Variants in CDK14 observed in about 807,000 individuals in gnomAD.
The protein encoded by CDK14 is cyclin-dependent kinase 14.
A neutral mutation model predicts 60.7 loss-of-function variants in CDK14; 34 were observed. The ratio of observed to expected loss-of-function variants is 0.56; its 90% CI spans 0.43 to 0.75. CDK14 has a LOEUF of 0.75. Ranked by LOEUF, CDK14 falls within the 30% of genes least tolerant of loss-of-function variation. The pLI, the probability that CDK14 is intolerant of heterozygous loss-of-function variation, is 0.00. For synonymous variants in CDK14, 197 were observed against 203.7 expected (o/e 0.97, Z 0.28); for missense variants, 482 against 564.1 (o/e 0.85, Z 1.47).
intron 2 of CDK14, among the ~76,000 whole-genome samples, chr7:90,671,139 G>T (rs1362538523): frequency 6.6e-6 from 1 of 152,078 alleles, no homozygotes; most frequent in Non-Finnish European, 1.5e-5. Context: ...CACCCAGATG[G>T]TGCTCTCTGT....
intron 2 of CDK14, among the ~76,000 whole-genome samples, chr7:90,647,539 G>A (rs1309179997): frequency 2.0e-5 from 3 of 149,650 alleles, no homozygotes; most frequent in Non-Finnish European, 4.4e-5. Context: ...TAACTCAAAA[G>A]CAGTTTTGAG....
chr7:91,019,768 A>T (rs1004350698), intron 10 of CDK14, among the ~76,000 whole-genome samples: 3 of 152,202 alleles, frequency 2.0e-5, no homozygotes, highest in Non-Finnish European at 4.4e-5. Flanking sequence ...AGGATTAATT[A>T]TACCTTTCTT....
chr7:91,017,229 T>A (rs1796324450), intron 10 of CDK14, among the ~76,000 whole-genome samples: 1 of 152,246 alleles, frequency 6.6e-6, no homozygotes, highest in East Asian at 1.9e-4. Flanking sequence ...CTTTAAGATA[T>A]ATAAAGGAAA....
intron 10 of CDK14, among the ~76,000 whole-genome samples, chr7:91,010,598 C>T (rs1796123064): frequency 6.6e-6 from 1 of 151,754 alleles, no homozygotes; most frequent in Admixed American, 6.6e-5. Context: ...ATATTATATC[C>T]TGCAACTTTG....
At chr7:90,654,591 A>G (rs1265912528) in intron 2 of CDK14, among the ~76,000 whole-genome samples, 1 of 152,160 alleles carries the variant, frequency 6.6e-6, no homozygotes, top group Non-Finnish European at 1.5e-5. Flanking sequence ...AGAATTCCTG[A>G]TGGATGTTCC....
intron 11 of CDK14, among the ~76,000 whole-genome samples, chr7:91,057,502 T>A (rs1348010514): frequency 2.0e-5 from 3 of 152,120 alleles, no homozygotes; most frequent in African/African-American, 7.2e-5. Flanking sequence ...CTGAATGGTA[T>A]TGCCTAGGTT....
intron 12 of CDK14, among the ~76,000 whole-genome samples, chr7:91,083,931 G>A (rs978703240): frequency 6.6e-6 from 1 of 152,196 alleles, no homozygotes; most frequent in African/African-American, 2.4e-5. Flanking sequence ...ATATGAAACG[G>A]ACATAGTCAA....
At chr7:91,016,788 G>C (rs1323685431) in intron 10 of CDK14, among the ~76,000 whole-genome samples, 1 of 152,162 alleles carries the variant, frequency 6.6e-6, no homozygotes, top group Non-Finnish European at 1.5e-5. Context: ...AGAGGAATAG[G>C]AGTGATATTT....
rs2374360 is a variant in CDK14, at chr7:90,775,633, C to G, written c.465-14940C>G. 2.4e-4 allele frequency among the ~76,000 whole-genome samples: 22 copies of G among 92,538 alleles called. 1 individual carries two copies. The highest frequency in any genetic ancestry group is 7.7e-4 in the African/African-American group (21 of 27,322). The allele number at this position is 92,538 out of a possible 152,430, so 60.7% of individuals were successfully genotyped here. ...CGAAAATACCTCCTCCTCCCCCTCC[C>G]CCTTCCCCTCCCCCTTCCCCTCCCC... On this transcript the variant is annotated intron_variant, in intron 4 of 14. Coordinates refer to ENST00000380050, the MANE Select transcript of CDK14 (RefSeq NM_001287135.2).
In CDK14 at chr7:90,715,058, TTTCTC is replaced by T. The variant is rs559726197; in HGVS notation, c.124-11505_124-11501del. On this transcript the variant is annotated intron_variant, in intron 2 of 14. Coordinates refer to ENST00000380050, the MANE Select transcript of CDK14 (RefSeq NM_001287135.2). ...GGATCAGTCATATCTCCAGTAGTGT[TTTCTC>T]TTCAGTTTTCATGTTTTAATGTTAT... is the stretch of plus-strand genomic sequence containing the variant. 2.6e-3 allele frequency among the ~76,000 whole-genome samples: 401 copies of T among 152,182 alleles called. 5 individuals carry two copies. The highest frequency in any genetic ancestry group is 9.4e-3 in the African/African-American group (389 of 41,550).
At chr7:90,600,653 A>G (rs1799296473) in intron 1 of CDK14, among the ~76,000 whole-genome samples, 1 of 152,234 alleles carries the variant, frequency 6.6e-6, no homozygotes, top group Non-Finnish European at 1.5e-5. Context: ...TTATGTCAGA[A>G]AAGAGAAATA....
intron 2 of CDK14, among the ~76,000 whole-genome samples, chr7:90,646,711 A>G (rs1420447214): frequency 1.3e-5 from 2 of 152,128 alleles, no homozygotes; most frequent in South Asian, 2.1e-4. Flanking sequence ...AGAGTGTTTT[A>G]TATCAGCATG....
chr7:91,067,281 T>C (rs1338700644), intron 11 of CDK14, among the ~76,000 whole-genome samples: 1 of 152,252 alleles, frequency 6.6e-6, no homozygotes, highest in Non-Finnish European at 1.5e-5. Context: ...AAAAATTTTA[T>C]TCTAATTATA....
At chr7:90,988,592 T>A (rs1795441142) in intron 10 of CDK14, among the ~76,000 whole-genome samples, 1 of 152,190 alleles carries the variant, frequency 6.6e-6, no homozygotes, top group African/African-American at 2.4e-5. Context: ...AAAATTTGTA[T>A]TCTAAACATA....
intron 5 of CDK14, among the ~76,000 whole-genome samples, chr7:90,850,057 A>G (rs1790597293): frequency 6.6e-6 from 1 of 152,068 alleles, no homozygotes. Flanking sequence ...TCACCCACTT[A>G]TGAAAGGAAA....
chr7:91,174,152 G>C (rs900366243), intron 14 of CDK14, among the ~76,000 whole-genome samples: 8 of 152,028 alleles, frequency 5.3e-5, no homozygotes, highest in African/African-American at 1.9e-4. Context: ...CCTGACCCCT[G>C]ACCCCTGAGC....
At chr7:90,656,995 G>A (rs918504596) in intron 2 of CDK14, among the ~76,000 whole-genome samples, 3 of 151,986 alleles carry the variant, frequency 2.0e-5, no homozygotes, top group Non-Finnish European at 4.4e-5. Flanking sequence ...CAACAAGATC[G>A]TGTGAACTGG....
At chr7:90,778,301 T>A (rs1805137697) in intron 4 of CDK14, among the ~76,000 whole-genome samples, 1 of 152,094 alleles carries the variant, frequency 6.6e-6, no homozygotes. Context: ...AGTAATGGAG[T>A]CATCCTTTAT....
intron 14 of CDK14, 23 bp downstream of exon 14, chr7:91,118,231 G>A (rs1472358457): frequency 9.3e-7 from 1 of 1,074,690 alleles, no homozygotes; most frequent in South Asian, 1.3e-5. Context: ...GCTTTACCTG[G>A]AAAGTAATAT....
Sources: gnomAD v4.1 joint callset for allele counts (sites outside exome capture counted in the v4.1 genomes callset) on GRCh38, gnomAD v4.1.1 for gene constraint, MANE v1.5 for transcripts, NCBI Gene and HGNC (gene_info 2026-07-23, HGNC 2026-07-21) for gene names.